The following CYB561D1 variants were observed in gnomAD, a reference collection of about 807,000 sequenced individuals.
The protein encoded by CYB561D1 is cytochrome b561 family member D1, also known as probable transmembrane reductase CYB561D1.
Under a neutral mutation model 19.2 loss-of-function variants are expected in CYB561D1, and 15 were observed. The ratio of observed to expected loss-of-function variants is 0.78; its 90% CI spans 0.52 to 1.20. The LOEUF (loss-of-function observed/expected upper bound fraction) is 1.20. Among genes scored for constraint, CYB561D1 ranks in the 50% most tolerant of loss-of-function variants. The probability of loss-of-function intolerance (pLI) is 0.00; values close to 1 mark genes in which losing one functional copy is unlikely to be tolerated. For missense variants in CYB561D1, 297 were observed against 287.3 expected (o/e 1.03, Z -0.24); for synonymous variants, 133 against 120.6 (o/e 1.10, Z -0.68).
At position 109,495,185 on chromosome 1, in the gene CYB561D1, G is replaced by A; in HGVS notation, c.186+5G>A. Reference sequence around the variant, plus strand: ...CCTGTATTCATGGCCTTGGCGGTGAGTTTAGGCTTCTATCTGATTTGTTTG... The same window carrying A: ...CCTGTATTCATGGCCTTGGCGGTGAATTTAGGCTTCTATCTGATTTGTTTG... On this transcript the variant is annotated splice_donor_5th_base_variant and intron_variant, in intron 2 of 2. Coordinates refer to ENST00000420578, the MANE Select transcript of CYB561D1 (RefSeq NM_182580.3). 6.2e-7 allele frequency: 1 copy of A among 1,614,200 alleles called. No individual in the cohort carries two copies. Among genetic ancestry groups the A allele is most frequent in the South Asian group, 1.1e-5 (1 of 91,084 alleles).
rs1382222074 is a variant in CYB561D1 at position 109,497,702 on chromosome 1, G to C, written c.*1443G>C. 6.6e-6 allele frequency: 1 copy of C among 152,260 alleles called. No individual in the cohort carries two copies. The highest frequency in any genetic ancestry group is 2.4e-5 in the African/African-American group (1 of 41,458). The allele number at this position is 152,260 out of a possible 1,614,324, so 9.4% of individuals were successfully genotyped here. On this transcript the variant is annotated 3_prime_UTR_variant, in exon 3 of 3. Transcript: ENST00000420578. ...GGAAGCCTGGGATGTAGGCGCTGGAGCTCCAGTTCCCAGGAGCAGGGGCAG... is the reference window on the plus strand; with the variant it reads ...GGAAGCCTGGGATGTAGGCGCTGGACCTCCAGTTCCCAGGAGCAGGGGCAG...
chr1:109,495,241 C>T, intron 2 of CYB561D1, 61 bp downstream of exon 2: 1 of 1,581,832 alleles, frequency 6.3e-7, no homozygotes, highest in Admixed American at 1.7e-5. Context: ...CCCAGGGAAG[C>T]ACCCAGCTTT....
At chr1:109,494,403 A>G in intron 1 of CYB561D1, 116 bp downstream of exon 1, 1 of 1,535,872 alleles carries the variant, frequency 6.5e-7, no homozygotes. Flanking sequence ...GGAGACAGAA[A>G]CAGTGGAGGG....
chr1:109,495,190 G>A lies in CYB561D1; in HGVS notation c.186+10G>A. 2 of 1,614,174 alleles carry A rather than the reference G, an allele frequency of 1.2e-6. No homozygotes were observed. The highest frequency in any genetic ancestry group is 2.2e-5 in the East Asian group (1 of 44,882). Reference sequence around the variant, plus strand: ...ATTCATGGCCTTGGCGGTGAGTTTAGGCTTCTATCTGATTTGTTTGGGTAT... The same window carrying A: ...ATTCATGGCCTTGGCGGTGAGTTTAAGCTTCTATCTGATTTGTTTGGGTAT... On this transcript the variant is annotated intron_variant, in intron 2 of 2. Coordinates refer to ENST00000420578, the MANE Select transcript of CYB561D1 (RefSeq NM_182580.3).
At position 109,494,212 on chromosome 1, in the gene CYB561D1, G is replaced by C; in HGVS notation, c.73G>C (p.Gly25Arg). 6.4e-7 allele frequency: 1 copy of C among 1,565,376 alleles called. No individual in the cohort carries two copies. The highest frequency in any genetic ancestry group is 1.2e-5 in the South Asian group (1 of 85,002). Residue 25 changes from glycine to arginine, a missense_variant, in exon 1 of 3, where the codon GGC becomes CGC. Gly to Arg is a moderately radical substitution (Grantham distance 125). Coordinates refer to ENST00000420578, the MANE Select transcript of CYB561D1 (RefSeq NM_182580.3). Reference sequence around the variant, plus strand: ...GAGACTGACCCGCTGGCTGCGGAGAGGCAGTGGGATCTTGGCGCACCTGGT... The same window carrying C: ...GAGACTGACCCGCTGGCTGCGGAGACGCAGTGGGATCTTGGCGCACCTGGT... Reference protein sequence around the residue: ...EPRLTRWLRRGSGILAHLVAL... With the variant: ...EPRLTRWLRRRSGILAHLVAL...
Position 109,496,350 on chromosome 1 carries a change from C to T in CYB561D1, c.*91C>T, listed in dbSNP as rs1657566485. On this transcript the variant is annotated 3_prime_UTR_variant, in exon 3 of 3. Coordinates refer to ENST00000420578, the MANE Select transcript of CYB561D1 (RefSeq NM_182580.3). ...ATAAGGGATCTATTTAAGAAGTGGT[C>T]AGGTTTTCGCACTTCTTGGCTGGTC... 8 of 1,431,194 alleles carry T rather than the reference C, an allele frequency of 5.6e-6. 1 individual carries two copies. The South Asian group carries it at 7.1e-5, about 13-fold the overall frequency. 88.7% of individuals were successfully genotyped at this position (1,431,194 alleles called of 1,614,324 possible). A position where few individuals can be genotyped will look rare whatever the true frequency, so the allele number is the denominator to read the frequency against.
At position 109,499,746 on chromosome 1, in the gene CYB561D1, A is replaced by T. The variant is rs1054273122; in HGVS notation, c.*3487A>T. On this transcript the variant is annotated 3_prime_UTR_variant, in exon 3 of 3. Coordinates refer to ENST00000420578, the MANE Select transcript of CYB561D1 (RefSeq NM_182580.3). ...TAAAGCCTGTTCAGAGTTAATAATA[A>T]TCATTAGCTGAATGGTGCTGGGGCC... 1.3e-5 allele frequency: 2 copies of T among 152,172 alleles called. No homozygotes were observed. Among genetic ancestry groups the T allele is most frequent in the Non-Finnish European group, 2.9e-5 (2 of 68,046 alleles). The allele number at this position is 152,172 out of a possible 1,614,324, so 9.4% of individuals were successfully genotyped here.
chr1:109,497,978 T>C lies in CYB561D1; in HGVS notation c.*1719T>C, dbSNP rs1006520443. On this transcript the variant is annotated 3_prime_UTR_variant, in exon 3 of 3. Transcript: ENST00000420578. Reference sequence around the variant, plus strand: ...GGTATTGTTCCTGTCTCTTTCATTGTCCTCCCTCCTCTCAAACTCTCCAGT... The same window carrying C: ...GGTATTGTTCCTGTCTCTTTCATTGCCCTCCCTCCTCTCAAACTCTCCAGT... 2 of 152,234 alleles carry C rather than the reference T, an allele frequency of 1.3e-5. No homozygotes were observed. The highest frequency in any genetic ancestry group is 4.8e-5 in the African/African-American group (2 of 41,430). 9.4% of individuals were successfully genotyped at this position (152,234 alleles called of 1,614,324 possible). A position where few individuals can be genotyped will look rare whatever the true frequency, so the allele number is the denominator to read the frequency against.
chr1:109,498,813 G>T lies in CYB561D1; in HGVS notation c.*2554G>T, dbSNP rs2101053679. Reference sequence around the variant, plus strand: ...GTTGCCCTTTTGTCCTTGCTCCCTGGCTAGGGAAAGCTGCTAGTGGTCAGC... The same window carrying T: ...GTTGCCCTTTTGTCCTTGCTCCCTGTCTAGGGAAAGCTGCTAGTGGTCAGC... On this transcript the variant is annotated 3_prime_UTR_variant, in exon 3 of 3. Coordinates refer to ENST00000420578, the MANE Select transcript of CYB561D1 (RefSeq NM_182580.3). 1 of 150,952 alleles carries T rather than the reference G, an allele frequency of 6.6e-6. No homozygotes were observed. The highest frequency in any genetic ancestry group is 2.4e-5 in the African/African-American group (1 of 41,032). The allele number at this position is 150,952 out of a possible 1,614,324, so 9.4% of individuals were successfully genotyped here. A position where few individuals can be genotyped will look rare whatever the true frequency, so the allele number is the denominator to read the frequency against.
At chr1:109,495,637 G>C in intron 2 of CYB561D1, 119 bp from the exon 3 acceptor site, 1 of 1,561,710 alleles carries the variant, frequency 6.4e-7, no homozygotes. Context: ...TGGTGGTCCT[G>C]GTTGAACTTA....
chr1:109,495,250 T>C, intron 2 of CYB561D1, 70 bp downstream of exon 2: 1 of 1,556,350 alleles, frequency 6.4e-7, no homozygotes, highest in Non-Finnish European at 8.9e-7. Context: ...GCACCCAGCT[T>C]TCAGAAAGCT....
intron 2 of CYB561D1, 25 bp from the exon 3 acceptor site, chr1:109,495,731 T>C (rs1308992028): frequency 6.2e-7 from 1 of 1,614,240 alleles, no homozygotes; most frequent in Non-Finnish European, 8.5e-7. Flanking sequence ...ACATGAGGCT[T>C]ACTGGCTCTC....
chr1:109,495,580 T>A (rs1337771250), intron 2 of CYB561D1, 176 bp from the exon 3 acceptor site: 23 of 1,256,518 alleles, frequency 1.8e-5, no homozygotes, highest in Non-Finnish European at 2.4e-5. Flanking sequence ...AGACGTGCAC[T>A]CAAGTGCTGA....
Position 109,498,321 on chromosome 1 carries a change from T to C in CYB561D1, c.*2062T>C, listed in dbSNP as rs1406914417. Reference sequence around the variant, plus strand: ...GCCATCTGATGTCTATTCCCAGCCCTGGGAGGAAGGGGGAGTCATTTATAT... The same window carrying C: ...GCCATCTGATGTCTATTCCCAGCCCCGGGAGGAAGGGGGAGTCATTTATAT... On this transcript the variant is annotated 3_prime_UTR_variant, in exon 3 of 3. Transcript: ENST00000420578. 6.6e-6 allele frequency: 1 copy of C among 152,404 alleles called. No homozygotes were observed. Among genetic ancestry groups the C allele is most frequent in the African/African-American group, 2.4e-5 (1 of 41,434 alleles). 9.4% of individuals were successfully genotyped at this position (152,404 alleles called of 1,614,324 possible).
At chr1:109,494,450 C>A in intron 1 of CYB561D1, 163 bp downstream of exon 1, 1 of 1,548,278 alleles carries the variant, frequency 6.5e-7, no homozygotes, top group Non-Finnish European at 8.7e-7. Flanking sequence ...CCCAGGGATC[C>A]TGGAATAATG....
rs1571112315 is a variant in CYB561D1, at chr1:109,497,153, G to A, written c.*894G>A. The A allele has an allele frequency of 2.0e-5, 3 of 152,810 alleles. No individual in the cohort carries two copies. The highest frequency in any genetic ancestry group is 1.9e-4 in the East Asian group (1 of 5,184). 9.5% of individuals were successfully genotyped at this position (152,810 alleles called of 1,614,324 possible). On this transcript the variant is annotated 3_prime_UTR_variant, in exon 3 of 3. Transcript: ENST00000420578. ...AGCCCACCTCAGGATCCGGGCTTGA[G>A]GGCTGCAGGGCCTGCGTGCGCTCCC...
Position 109,496,417 on chromosome 1 carries a change from T to A in CYB561D1, c.*158T>A. ...CAAAGCTGCTATTGTTGAGGAATAA[T>A]TCAGTGGGTCAAAATGGGGAGATGT... On this transcript the variant is annotated 3_prime_UTR_variant, in exon 3 of 3. Transcript: ENST00000420578. The A allele has an allele frequency of 1.3e-6, 1 of 777,526 alleles. No homozygotes were observed. 48.2% of individuals were successfully genotyped at this position (777,526 alleles called of 1,614,324 possible).
intron 1 of CYB561D1, 194 bp downstream of exon 1, chr1:109,494,481 GAA>G: frequency 6.5e-7 from 1 of 1,546,772 alleles, no homozygotes; most frequent in Non-Finnish European, 8.7e-7. Flanking sequence ...TGCTGTGGGG[GAA>G]GGGCAGACGA....
intron 1 of CYB561D1, chr1:109,494,642 G>C (rs1462557574): frequency 1.7e-6 from 2 of 1,207,948 alleles, no homozygotes; most frequent in African/African-American, 1.6e-5. Flanking sequence ...TTCGAGACCA[G>C]CCTGGCCAAC....
Sources: gnomAD v4.1 joint callset for allele counts on GRCh38, gnomAD v4.1.1 for gene constraint, MANE v1.5 for transcripts, NCBI Gene and HGNC (gene_info 2026-07-23, HGNC 2026-07-21) for gene names.